The following FAM171B variants were observed in gnomAD, a reference collection of about 807,000 sequenced individuals.
The protein encoded by FAM171B is family with sequence similarity 171 member B, also known as protein FAM171B.
FAM171B carries 19 observed loss-of-function variants against 75.6 expected under a neutral mutation model. The ratio of observed to expected loss-of-function variants is 0.25; its 90% CI spans 0.18 to 0.37. The LOEUF (loss-of-function observed/expected upper bound fraction) is 0.37, where lower values mean the gene tolerates loss of function less well. Ranked by LOEUF, FAM171B falls within the 10% of genes least tolerant of loss-of-function variation. FAM171B has a pLI of 1.00. For synonymous variants in FAM171B, 367 were observed against 361.7 expected (o/e 1.01, Z -0.17); for missense variants, 848 against 982.4 (o/e 0.86, Z 1.83).
At chr2:186,704,702 T>C (rs1689710529) in intron 1 of FAM171B, among the ~76,000 whole-genome samples, 1 of 152,224 alleles carries the variant, frequency 6.6e-6, no homozygotes, top group Non-Finnish European at 1.5e-5. Flanking sequence ...GCTTCAAGTT[T>C]GTGAATCAGA....
chr2:186,756,452 A>G lies in FAM171B; in HGVS notation c.1012+2403A>G, dbSNP rs1690532046. Among the ~76,000 whole-genome samples, 3 of 152,162 alleles carry G rather than the reference A, an allele frequency of 2.0e-5. No individual in the cohort carries two copies. The South Asian group carries it at 6.2e-4, about 32-fold the overall frequency. On this transcript the variant is annotated intron_variant, in intron 6 of 7. Transcript: ENST00000304698. Reference sequence around the variant, plus strand: ...ATTGTGTTAGTCTGCTCAGGCAGCCATAACAAAATAACTGCAGAGTAGTAA... The same window carrying G: ...ATTGTGTTAGTCTGCTCAGGCAGCCGTAACAAAATAACTGCAGAGTAGTAA...
At chr2:186,707,210 T>A (rs1367437422) in intron 1 of FAM171B, among the ~76,000 whole-genome samples, 3 of 152,170 alleles carry the variant, frequency 2.0e-5, no homozygotes, top group African/African-American at 7.2e-5. Context: ...AATAAATATT[T>A]CCTTCCTAAT....
intron 1 of FAM171B, among the ~76,000 whole-genome samples, chr2:186,725,046 A>G (rs1690009864): frequency 6.6e-6 from 1 of 152,200 alleles, no homozygotes; most frequent in South Asian, 2.1e-4. Flanking sequence ...TCAGTTTTTA[A>G]GAATTTTTGC....
intron 7 of FAM171B, 76 bp from the exon 8 acceptor site, chr2:186,761,403 A>G: frequency 6.7e-7 from 1 of 1,489,946 alleles, no homozygotes; most frequent in Non-Finnish European, 9.0e-7. Flanking sequence ...TGATATGTAG[A>G]TTGGGAGTGA....
chr2:186,729,818 A>T (rs1690087610), intron 1 of FAM171B, among the ~76,000 whole-genome samples: 1 of 152,174 alleles, frequency 6.6e-6, no homozygotes, highest in South Asian at 2.1e-4. Flanking sequence ...ATAAGTTAGT[A>T]AATATGATGA....
chr2:186,727,239 A>T (rs562177961), intron 1 of FAM171B, among the ~76,000 whole-genome samples: 2 of 152,342 alleles, frequency 1.3e-5, no homozygotes, highest in East Asian at 3.9e-4. Context: ...ATGTATCATT[A>T]ATCTGGTCAG....
intron 4 of FAM171B, among the ~76,000 whole-genome samples, chr2:186,749,102 TG>T (rs1690414046): frequency 6.6e-6 from 1 of 152,222 alleles, no homozygotes; most frequent in Non-Finnish European, 1.5e-5. Flanking sequence ...GTCCAACATG[TG>T]GCTGTTGTGC....
At chr2:186,748,490 A>C (rs1431649942) in intron 4 of FAM171B, among the ~76,000 whole-genome samples, 2 of 152,158 alleles carry the variant, frequency 1.3e-5, no homozygotes, top group African/African-American at 2.4e-5. Context: ...TTCCTACTGC[A>C]CACATCTGTG....
At chr2:186,704,323 A>C (rs1428198533) in intron 1 of FAM171B, among the ~76,000 whole-genome samples, 1 of 152,182 alleles carries the variant, frequency 6.6e-6, no homozygotes, top group Non-Finnish European at 1.5e-5. Context: ...GTTGATTAAA[A>C]TATGTAATAA....
intron 1 of FAM171B, among the ~76,000 whole-genome samples, chr2:186,734,994 T>A (rs1690177501): frequency 6.6e-6 from 1 of 152,192 alleles, no homozygotes. Context: ...GGAAGGGAGC[T>A]TCCTGGGCCC....
At chr2:186,703,054 T>A (rs1689685023) in intron 1 of FAM171B, among the ~76,000 whole-genome samples, 1 of 135,068 alleles carries the variant, frequency 7.4e-6, no homozygotes, top group African/African-American at 3.0e-5. Context: ...TTATATAATA[T>A]GTGTGTGTGT....
At chr2:186,696,844 A>G (rs772399004) in intron 1 of FAM171B, among the ~76,000 whole-genome samples, 8 of 144,452 alleles carry the variant, frequency 5.5e-5, no homozygotes, top group Non-Finnish European at 1.2e-4. Flanking sequence ...CCTCCATGGT[A>G]CTCATTATTC....
chr2:186,757,968 C>A (rs1013602199), intron 6 of FAM171B, among the ~76,000 whole-genome samples: 2 of 152,146 alleles, frequency 1.3e-5, no homozygotes, highest in African/African-American at 4.8e-5. Flanking sequence ...ACTCTCATTT[C>A]TTTTTTGTTT....
chr2:186,728,218 T>C lies in FAM171B; in HGVS notation c.239-12010T>C, dbSNP rs946330333. 2.6e-5 allele frequency among the ~76,000 whole-genome samples: 4 copies of C among 152,210 alleles called. 1 individual carries two copies. Among genetic ancestry groups the C allele is most frequent in the Admixed American group, 2.6e-4 (4 of 15,278 alleles). On this transcript the variant is annotated intron_variant, in intron 1 of 7. Coordinates refer to ENST00000304698, the MANE Select transcript of FAM171B (RefSeq NM_177454.4). ...TGTCATTTTTTGATACTTAGAGGAA[T>C]TTTTATACATATTCTAAATTAATTT...
intron 1 of FAM171B, among the ~76,000 whole-genome samples, chr2:186,717,035 C>T (rs1426475024): frequency 6.6e-6 from 1 of 152,076 alleles, no homozygotes; most frequent in Non-Finnish European, 1.5e-5. Flanking sequence ...TAACTTGCCA[C>T]GATGATGTGG....
At chr2:186,746,955 A>G in intron 3 of FAM171B, 137 bp from the exon 4 acceptor site, 1 of 638,858 alleles carries the variant, frequency 1.6e-6, no homozygotes, top group African/African-American at 1.9e-5. Flanking sequence ...TTCTGCATTT[A>G]AAATAATTAC....
At chr2:186,739,708 T>C (rs567112553) in intron 1 of FAM171B, among the ~76,000 whole-genome samples, 1 of 152,306 alleles carries the variant, frequency 6.6e-6, no homozygotes, top group African/African-American at 2.4e-5. Context: ...CCTGCCTGAG[T>C]CTTTTTTACA....
chr2:186,708,408 T>A (rs17406319), intron 1 of FAM171B, among the ~76,000 whole-genome samples: 7,949 of 152,256 alleles, frequency 0.052, 284 homozygotes, highest in Non-Finnish European at 0.073. Context: ...CCAGATACCA[T>A]GCATGGTGCC....
At chr2:186,732,890 T>G (rs1276364246) in intron 1 of FAM171B, among the ~76,000 whole-genome samples, 3 of 152,230 alleles carry the variant, frequency 2.0e-5, no homozygotes, top group Non-Finnish European at 2.9e-5. Context: ...ACCCAACTCC[T>G]GAGATCTCAT....
Sources: gnomAD v4.1 joint callset for allele counts (sites outside exome capture counted in the v4.1 genomes callset) on GRCh38, gnomAD v4.1.1 for gene constraint, MANE v1.5 for transcripts, NCBI Gene and HGNC (gene_info 2026-07-23, HGNC 2026-07-21) for gene names.